RBFOX1: variants seen among roughly 807,000 people sequenced by gnomAD.
The protein encoded by RBFOX1 is RNA binding fox-1 homolog 1.
In RBFOX1, 8 loss-of-function variants were observed where a neutral mutation model predicts 57.7. That is an observed-to-expected ratio of 0.14 (90% CI 0.08 to 0.25). RBFOX1 has a LOEUF of 0.25. RBFOX1 is among the 10% of genes least tolerant of loss of function. The pLI is 1.00. For synonymous variants in RBFOX1, 326 were observed against 222.4 expected, an observed-to-expected ratio of 1.47 and a Z score of -4.15; for missense variants, 611 against 548.5, an observed-to-expected ratio of 1.11 and a Z score of -1.14.
chr16:5,900,187 C>G (rs1223407408), intron 4 of RBFOX1, among the ~76,000 whole-genome samples: 2 of 152,200 alleles, frequency 1.3e-5, no homozygotes, highest in Non-Finnish European at 2.9e-5. Context: ...TCTCATTACA[C>G]TCCAAATGTC....
At chr16:7,081,191 C>T (rs1276961735) in intron 4 of RBFOX1, among the ~76,000 whole-genome samples, 1 of 152,190 alleles carries the variant, frequency 6.6e-6, no homozygotes, top group African/African-American at 2.4e-5. Flanking sequence ...CACACCACCA[C>T]ACCCAGCTAA....
At chr16:5,850,813 C>T (rs2056876942) in intron 3 of RBFOX1, among the ~76,000 whole-genome samples, 1 of 152,178 alleles carries the variant, frequency 6.6e-6, no homozygotes, top group Non-Finnish European at 1.5e-5. Context: ...GGGCCCCGGG[C>T]CAGGTGTGAG....
chr16:6,313,591 G>A (rs1031356458), intron 1 of RBFOX1, among the ~76,000 whole-genome samples: 1 of 152,158 alleles, frequency 6.6e-6, no homozygotes, highest in Admixed American at 6.5e-5. Flanking sequence ...GCATCCATTT[G>A]GATGGAGTGC....
chr16:5,692,017 T>C (rs549996923), intron 3 of RBFOX1, among the ~76,000 whole-genome samples: 22 of 26,428 alleles, frequency 8.3e-4, no homozygotes, highest in African/African-American at 1.2e-3. Context: ...GGTAACTCTT[T>C]TTTTATTTTT....
intron 4 of RBFOX1, among the ~76,000 whole-genome samples, chr16:7,403,314 C>T (rs1370024447): frequency 6.6e-6 from 1 of 152,118 alleles, no homozygotes; most frequent in Admixed American, 6.5e-5. Flanking sequence ...CCGTGCTATA[C>T]ATTAGACGTC....
intron 4 of RBFOX1, among the ~76,000 whole-genome samples, chr16:5,900,559 G>A (rs1018778196): frequency 2.6e-5 from 4 of 152,074 alleles, no homozygotes; most frequent in South Asian, 4.2e-4. Context: ...CCCGTTCATC[G>A]CAACCTTCCT....
chr16:7,516,982 C>T (rs60700525), intron 4 of RBFOX1, among the ~76,000 whole-genome samples: 53,160 of 151,858 alleles, frequency 0.35, 10,672 homozygotes, highest in East Asian at 0.57. Context: ...TATATGAGGG[C>T]CAAAGTCACA....
chr16:7,076,991 G>T (rs551508839), intron 4 of RBFOX1, among the ~76,000 whole-genome samples: 1 of 152,128 alleles, frequency 6.6e-6, no homozygotes, highest in Admixed American at 6.5e-5. Flanking sequence ...TTGGGTGTAC[G>T]CGAGAGAGGT....
intron 3 of RBFOX1, among the ~76,000 whole-genome samples, chr16:6,673,980 G>A (rs1222942737): frequency 1.3e-5 from 2 of 152,128 alleles, no homozygotes; most frequent in East Asian, 1.9e-4. Context: ...ACTCTAGGAA[G>A]GGAGAAACAG....
chr16:5,739,323 A>G (rs536865998), intron 3 of RBFOX1, among the ~76,000 whole-genome samples: 2 of 152,382 alleles, frequency 1.3e-5, no homozygotes, highest in Admixed American at 6.5e-5. Context: ...ACCTATGGGT[A>G]ACGTTCTGCG....
chr16:6,312,365 C>G (rs888916722), intron 1 of RBFOX1, among the ~76,000 whole-genome samples: 4 of 152,126 alleles, frequency 2.6e-5, no homozygotes, highest in African/African-American at 4.8e-5. Flanking sequence ...CTTCTTCTCT[C>G]TCTCATTGCT....
At chr16:6,956,897 A>T (rs371710972) in intron 3 of RBFOX1, among the ~76,000 whole-genome samples, 27 of 152,162 alleles carry the variant, frequency 1.8e-4, no homozygotes, top group African/African-American at 6.3e-4. Context: ...CATCTGGGCT[A>T]GTTGTGTTAC....
intron 3 of RBFOX1, among the ~76,000 whole-genome samples, chr16:6,815,456 C>T (rs140043681): frequency 1.3e-5 from 2 of 152,272 alleles, no homozygotes; most frequent in East Asian, 1.9e-4. Context: ...ACACCTCTGA[C>T]ATTCGCAGTG....
At chr16:6,163,108 T>A (rs1244169898) in intron 1 of RBFOX1, among the ~76,000 whole-genome samples, 1 of 152,110 alleles carries the variant, frequency 6.6e-6, no homozygotes, top group African/African-American at 2.4e-5. Context: ...TGAATCACCC[T>A]TTAGACACAG....
In RBFOX1 at chr16:5,454,889, T is replaced by TC. The variant is rs1186500145; in HGVS notation, c.220-12326dup. Among the ~76,000 whole-genome samples, 21 of 128,336 alleles carry TC rather than the reference T, an allele frequency of 1.6e-4. No individual in the cohort carries two copies. In the East Asian group the frequency reaches 1.9e-3, roughly 11 times the overall value. 84.2% of individuals were successfully genotyped at this position (128,336 alleles called of 152,430 possible). ...TTCTTTCTTTCTTTCTTTCTTTCTT[T>TC]CTTTCTTTCTTTCTTTCTTTCTTTC... On this transcript the variant is annotated intron_variant, in intron 1 of 2. Coordinates refer to the RBFOX1 transcript ENST00000585867.
intron 4 of RBFOX1, among the ~76,000 whole-genome samples, chr16:7,199,875 A>G (rs1405133969): frequency 6.6e-6 from 1 of 152,114 alleles, no homozygotes; most frequent in African/African-American, 2.4e-5. Flanking sequence ...AGCCTGGGCA[A>G]CAGAGCAAGA....
Position 7,029,224 on chromosome 16 carries a change from ACATATATATACGTATACG to A in RBFOX1, c.-15-22832_-15-22815del, listed in dbSNP as rs1191829855. Among the ~76,000 whole-genome samples, 935 of 97,520 alleles carry A rather than the reference ACATATATATACGTATACG, an allele frequency of 9.6e-3. 236 individuals are homozygous for A. Among genetic ancestry groups the A allele is most frequent in the East Asian group, 0.037 (122 of 3,296 alleles). The allele number at this position is 97,520 out of a possible 152,430, so 64.0% of individuals were successfully genotyped here. A position where few individuals can be genotyped will look rare whatever the true frequency, so the allele number is the denominator to read the frequency against. On this transcript the variant is annotated intron_variant, in intron 3 of 15. Coordinates refer to ENST00000550418, the MANE Select transcript of RBFOX1 (RefSeq NM_018723.4). Reference sequence around the variant, plus strand: ...TATACGTATACGTATATATATACACACATATATATACGTATACGTATATATATACACACATATATATAC... The same window carrying A: ...TATACGTATACGTATATATATACACATATATATATACACACATATATATAC...
chr16:7,115,150 A>C (rs1282474674), intron 4 of RBFOX1, among the ~76,000 whole-genome samples: 1 of 151,672 alleles, frequency 6.6e-6, no homozygotes, highest in Non-Finnish European at 1.5e-5. Context: ...TCTTGTTAGC[A>C]CTTAGTGGTG....
At chr16:7,364,105 G>T (rs993988803) in intron 4 of RBFOX1, among the ~76,000 whole-genome samples, 3 of 152,314 alleles carry the variant, frequency 2.0e-5, no homozygotes, top group East Asian at 1.9e-4. Context: ...GCATTTTAAA[G>T]ATTAGGAATC....
Sources: gnomAD v4.1 joint callset for allele counts (sites outside exome capture counted in the v4.1 genomes callset) on GRCh38, gnomAD v4.1.1 for gene constraint, MANE v1.5 for transcripts, NCBI Gene and HGNC (gene_info 2026-07-23, HGNC 2026-07-21) for gene names.